STAT5B: variants seen among roughly 807,000 people sequenced by gnomAD.
The protein encoded by STAT5B is signal transducer and activator of transcription 5B, also known as transcription factor STAT5B.
Under a neutral mutation model 107.8 loss-of-function variants are expected in STAT5B, and 21 were observed. The observed-to-expected ratio is 0.19, with a 90% CI of 0.14 to 0.28. The LOEUF (loss-of-function observed/expected upper bound fraction) is 0.28, where lower values mean the gene tolerates loss of function less well. Among genes scored for constraint, STAT5B ranks in the 10% least tolerant of loss-of-function variants. The probability of loss-of-function intolerance (pLI) is 1.00; values close to 1 mark genes in which losing one functional copy is unlikely to be tolerated. For synonymous variants in STAT5B, 325 were observed against 401.7 expected, an observed-to-expected ratio of 0.81 and a Z score of 2.28; for missense variants, 565 against 1,008.2, an observed-to-expected ratio of 0.56 and a Z score of 5.95.
intron 5 of STAT5B, among the ~76,000 whole-genome samples, chr17:42,222,566 G>C (rs962096242): frequency 2.0e-5 from 3 of 152,106 alleles, no homozygotes; most frequent in Non-Finnish European, 2.9e-5. Flanking sequence ...CTTAGAGATA[G>C]GGTCTTACTA....
chr17:42,239,991 G>A (rs931596166), intron 1 of STAT5B, among the ~76,000 whole-genome samples: 8 of 152,100 alleles, frequency 5.3e-5, no homozygotes, highest in Non-Finnish European at 7.4e-5. Context: ...AAAATGAGCC[G>A]GGCACGGTGG....
chr17:42,200,774 A>G lies in STAT5B; in HGVS notation c.*964T>C. ...GAACCATGATTCAACATTTGCAAAA[A>G]GCATCATCAATAAGCCTGAAGAAGG... On this transcript the variant is annotated 3_prime_UTR_variant, in exon 19 of 19. Coordinates refer to ENST00000293328, the MANE Select transcript of STAT5B (RefSeq NM_012448.4). 3.4e-6 allele frequency: 1 copy of G among 294,810 alleles called. No homozygotes were observed. The highest frequency in any genetic ancestry group is 6.2e-6 in the Non-Finnish European group (1 of 160,914). 18.3% of individuals were successfully genotyped at this position (294,810 alleles called of 1,614,324 possible).
Position 42,217,467 on chromosome 17 carries a change from G to A in STAT5B, c.1170-3C>T, listed in dbSNP as rs754312665. On this transcript the variant is annotated splice_region_variant and splice_polypyrimidine_tract_variant and intron_variant, in intron 9 of 18. Coordinates refer to ENST00000293328, the MANE Select transcript of STAT5B (RefSeq NM_012448.4). ...TCAAGATCTCGCCACTGTAATCACT[G>A]CAAATCAGAGAGAGACCAGCTCCAA... is the stretch of plus-strand genomic sequence containing the variant. The A allele has an allele frequency of 1.2e-6, 2 of 1,614,036 alleles. No individual in the cohort carries two copies. Among genetic ancestry groups the A allele is most frequent in the African/African-American group, 2.7e-5 (2 of 74,918 alleles).
intron 1 of STAT5B, among the ~76,000 whole-genome samples, chr17:42,238,848 TTC>T (rs1298044537): frequency 6.6e-6 from 1 of 151,862 alleles, no homozygotes; most frequent in Non-Finnish European, 1.5e-5. Context: ...ATGAAGTCTG[TTC>T]TCTCATCTTT....
At chr17:42,257,152 T>C (rs2144378630) in intron 1 of STAT5B, among the ~76,000 whole-genome samples, 1 of 152,256 alleles carries the variant, frequency 6.6e-6, no homozygotes, top group South Asian at 2.1e-4. Context: ...CAGACATGCT[T>C]TATGTAACTT....
At chr17:42,262,744 G>GTATA (rs202099903) in intron 1 of STAT5B, among the ~76,000 whole-genome samples, 12,321 of 108,788 alleles carry the variant, frequency 0.11, 2,035 homozygotes, top group African/African-American at 0.38. Flanking sequence ...AGCAGAGTGT[G>GTATA]TATATATATG....
intron 12 of STAT5B, among the ~76,000 whole-genome samples, chr17:42,215,222 T>A (rs1170186021): frequency 1.3e-5 from 2 of 152,168 alleles, no homozygotes; most frequent in Non-Finnish European, 2.9e-5. Flanking sequence ...TCTTCATTTA[T>A]TGAAAGGAAG....
chr17:42,284,597 C>T, the STAT5B span, among the ~76,000 whole-genome samples: 1 of 152,194 alleles, frequency 6.6e-6, no homozygotes, highest in Non-Finnish European at 1.5e-5. Context: ...TCCATAAACT[C>T]AAACCCACCT....
intron 3 of STAT5B, among the ~76,000 whole-genome samples, chr17:42,225,379 G>A (rs574822210): frequency 8.5e-5 from 13 of 152,050 alleles, no homozygotes; most frequent in African/African-American, 2.9e-4. Context: ...TCTTAAAAAC[G>A]GAATAAATAA....
At chr17:42,255,598 T>C (rs1221902083) in intron 1 of STAT5B, among the ~76,000 whole-genome samples, 1 of 151,650 alleles carries the variant, frequency 6.6e-6, no homozygotes, top group South Asian at 2.1e-4. Flanking sequence ...ATGCCTGGAG[T>C]AGTCAAACTC....
At chr17:42,251,418 TC>T (rs2080498719) in intron 1 of STAT5B, among the ~76,000 whole-genome samples, 1 of 152,214 alleles carries the variant, frequency 6.6e-6, no homozygotes, top group Non-Finnish European at 1.5e-5. Flanking sequence ...TACATTATTA[TC>T]CATCACCAAT....
Position 42,199,487 on chromosome 17 carries a change from G to T in STAT5B, c.*2251C>A, listed in dbSNP as rs907053439. 18 of 152,288 alleles carry T rather than the reference G, an allele frequency of 1.2e-4. No homozygotes were observed. Among genetic ancestry groups the T allele is most frequent in the Non-Finnish European group, 2.5e-4 (17 of 68,036 alleles). 9.4% of individuals were successfully genotyped at this position (152,288 alleles called of 1,614,324 possible). On this transcript the variant is annotated 3_prime_UTR_variant, in exon 19 of 19. Coordinates refer to ENST00000293328, the MANE Select transcript of STAT5B (RefSeq NM_012448.4). ...TCACACACGGAGCTGAAACTTTTGAGGACTTGTGTGTGTCTGGGAGTGGGT... is the reference window on the plus strand; with the variant it reads ...TCACACACGGAGCTGAAACTTTTGATGACTTGTGTGTGTCTGGGAGTGGGT...
In STAT5B at chr17:42,201,653, G is replaced by C; in HGVS notation, c.*85C>G. 1 of 955,740 alleles carries C rather than the reference G, an allele frequency of 1.0e-6. No homozygotes were observed. The allele number at this position is 955,740 out of a possible 1,614,324, so 59.2% of individuals were successfully genotyped here. On this transcript the variant is annotated 3_prime_UTR_variant, in exon 19 of 19. Transcript: ENST00000293328. ...TCACATTATGAGTATTGTTTCAAAAGAGAAGCGATTCATGGAATTAAAACA... is the reference window on the plus strand; with the variant it reads ...TCACATTATGAGTATTGTTTCAAAACAGAAGCGATTCATGGAATTAAAACA...
At chr17:42,215,982 T>C (rs533768409) in intron 12 of STAT5B, 32 bp downstream of exon 12, 2 of 1,609,560 alleles carry the variant, frequency 1.2e-6, no homozygotes, top group African/African-American at 1.3e-5. Context: ...GGCATTGATT[T>C]TGGGACCCAC....
chr17:42,265,520 T>G (rs890355381), intron 1 of STAT5B, among the ~76,000 whole-genome samples: 8 of 151,770 alleles, frequency 5.3e-5, no homozygotes, highest in Non-Finnish European at 8.8e-5. Flanking sequence ...GCCCAGCTAA[T>G]TTTTGTATTT....
chr17:42,274,255 C>CT (rs200440184), intron 1 of STAT5B, among the ~76,000 whole-genome samples: 1,182 of 60,506 alleles, frequency 0.02, 13 homozygotes, highest in African/African-American at 0.067. Flanking sequence ...TAGAAATCAA[C>CT]TTTTTTTTTC....
intron 16 of STAT5B, among the ~76,000 whole-genome samples, chr17:42,203,631 CTTT>C (rs898526514): frequency 6.6e-6 from 1 of 151,750 alleles, no homozygotes; most frequent in Non-Finnish European, 1.5e-5. Flanking sequence ...TGGAGGTTTT[CTTT>C]TTTTTCTTTT....
At chr17:42,221,111 C>G (rs1197736550) in intron 5 of STAT5B, among the ~76,000 whole-genome samples, 2 of 152,170 alleles carry the variant, frequency 1.3e-5, no homozygotes, top group Non-Finnish European at 2.9e-5. Flanking sequence ...CAAGCTGGGA[C>G]AGACAAAAGC....
chr17:42,251,264 G>C (rs957844386), intron 1 of STAT5B, among the ~76,000 whole-genome samples: 1 of 152,088 alleles, frequency 6.6e-6, no homozygotes, highest in Admixed American at 6.6e-5. Flanking sequence ...GAACTGTCCT[G>C]GGCTTGGGTA....
Sources: gnomAD v4.1 joint callset for allele counts (sites outside exome capture counted in the v4.1 genomes callset) on GRCh38, gnomAD v4.1.1 for gene constraint, MANE v1.5 for transcripts, NCBI Gene and HGNC (gene_info 2026-07-23, HGNC 2026-07-21) for gene names.